IGF2BP3: variants seen among roughly 807,000 people sequenced by gnomAD.
The protein encoded by IGF2BP3 is insulin like growth factor 2 mRNA binding protein 3.
In IGF2BP3, 9 loss-of-function variants were observed where a neutral mutation model predicts 73.8. The ratio of observed to expected loss-of-function variants is 0.12; its 90% CI spans 0.07 to 0.21. The LOEUF (loss-of-function observed/expected upper bound fraction) is 0.21, where lower values mean the gene tolerates loss of function less well. Among genes scored for constraint, IGF2BP3 ranks in the 10% least tolerant of loss-of-function variants. The pLI is 1.00. For synonymous variants in IGF2BP3, 258 were observed against 256.7 expected (o/e 1.01, Z -0.05); for missense variants, 542 against 714.0 (o/e 0.76, Z 2.75).
intron 7 of IGF2BP3, among the ~76,000 whole-genome samples, chr7:23,346,936 T>C (rs552237482): frequency 6.6e-6 from 1 of 152,300 alleles, no homozygotes; most frequent in East Asian, 1.9e-4. Flanking sequence ...ATTTTTACTT[T>C]AATAATTACA....
At chr7:23,392,985 G>A (rs150875908) in intron 3 of IGF2BP3, among the ~76,000 whole-genome samples, 171 of 152,236 alleles carry the variant, frequency 1.1e-3, no homozygotes, top group Non-Finnish European at 2.1e-3. Flanking sequence ...ATTGCTATAA[G>A]GTGGCCACTC....
chr7:23,448,541 T>A (rs1326777374), intron 2 of IGF2BP3, among the ~76,000 whole-genome samples: 1 of 152,136 alleles, frequency 6.6e-6, no homozygotes, highest in African/African-American at 2.4e-5. Context: ...TAGCTGGGAC[T>A]ACAGGCATGC....
At chr7:23,353,681 C>T (rs896447859) in intron 5 of IGF2BP3, among the ~76,000 whole-genome samples, 1 of 152,222 alleles carries the variant, frequency 6.6e-6, no homozygotes, top group Admixed American at 6.5e-5. Context: ...TTTTTAAATA[C>T]AATGTCTTGC....
At chr7:23,423,493 A>T (rs1028910195) in intron 2 of IGF2BP3, among the ~76,000 whole-genome samples, 1 of 152,242 alleles carries the variant, frequency 6.6e-6, no homozygotes, top group Non-Finnish European at 1.5e-5. Context: ...TCAGAAAATA[A>T]ATTAGCATTT....
At chr7:23,342,343 A>T (rs1784734164) in intron 9 of IGF2BP3, among the ~76,000 whole-genome samples, 154 bp from the exon 10 acceptor site, 1 of 152,208 alleles carries the variant, frequency 6.6e-6, no homozygotes, top group African/African-American at 2.4e-5. Flanking sequence ...ACTTGAGTAC[A>T]TCGTTTACAT....
At chr7:23,428,675 C>T (rs2128540680) in intron 2 of IGF2BP3, among the ~76,000 whole-genome samples, 1 of 150,732 alleles carries the variant, frequency 6.6e-6, no homozygotes, top group South Asian at 2.1e-4. Flanking sequence ...TGCTACTGCA[C>T]TCCAGCCTCA....
At chr7:23,331,959 A>G (rs1784456833) in intron 10 of IGF2BP3, among the ~76,000 whole-genome samples, 1 of 152,100 alleles carries the variant, frequency 6.6e-6, no homozygotes, top group African/African-American at 2.4e-5. Context: ...ATGGGTAACA[A>G]GGTACGTCTT....
chr7:23,412,842 C>CTTTGTTTTTT (rs1787068528), intron 3 of IGF2BP3, among the ~76,000 whole-genome samples: 1 of 36,978 alleles, frequency 2.7e-5, no homozygotes, highest in African/African-American at 1.1e-4. Flanking sequence ...AGACTCTGGC[C>CTTTGTTTTTT]TTTTTTTTTT....
At position 23,342,276 on chromosome 7, in the gene IGF2BP3, C is replaced by T. The variant is rs1303783814; in HGVS notation, c.1078-87G>A. On this transcript the variant is annotated intron_variant, in intron 9 of 14. Transcript: ENST00000258729. ...TTTAAGTGACAGTATTCAAACTGAT[C>T]TCTTGTCTAATAAAGAAATGATTGT... 7 of 1,402,078 alleles carry T rather than the reference C, an allele frequency of 5.0e-6. No individual in the cohort carries two copies. The African/African-American group carries it at 8.6e-5, about 17-fold the overall frequency. The allele number at this position is 1,402,078 out of a possible 1,614,324, so 86.9% of individuals were successfully genotyped here. A position where few individuals can be genotyped will look rare whatever the true frequency, so the allele number is the denominator to read the frequency against.
intron 2 of IGF2BP3, among the ~76,000 whole-genome samples, chr7:23,427,993 G>C (rs750621066): frequency 2.0e-5 from 3 of 151,760 alleles, no homozygotes; most frequent in Non-Finnish European, 4.4e-5. Context: ...GTGACAGGGC[G>C]AGACACCATC....
chr7:23,464,005 G>A (rs947101828), intron 2 of IGF2BP3, among the ~76,000 whole-genome samples: 2 of 152,108 alleles, frequency 1.3e-5, no homozygotes, highest in East Asian at 1.9e-4. Context: ...TTCCCGAATC[G>A]CAAGATTCAC....
intron 3 of IGF2BP3, chr7:23,415,148 G>A (rs970179966): frequency 1.4e-5 from 3 of 219,976 alleles, no homozygotes; most frequent in Non-Finnish European, 2.8e-5. Flanking sequence ...CTGTCTGTCA[G>A]TCAGCTTCAC....
chr7:23,414,732 T>C (rs1787131350), intron 3 of IGF2BP3: 1 of 159,172 alleles, frequency 6.3e-6, no homozygotes, highest in Admixed American at 6.5e-5. Context: ...TTTCTGCCAA[T>C]AGAAGGCACC....
At chr7:23,335,073 TAAAAAAAAAAAA>T (rs5882898) in intron 10 of IGF2BP3, among the ~76,000 whole-genome samples, 1 of 69,196 alleles carries the variant, frequency 1.4e-5, no homozygotes, top group African/African-American at 5.8e-5. Context: ...TCTTTAACAT[TAAAAAAAAAAAA>T]AAAAAAAAAA....
At chr7:23,447,341 T>G (rs1278072343) in intron 2 of IGF2BP3, among the ~76,000 whole-genome samples, 2 of 151,058 alleles carry the variant, frequency 1.3e-5, no homozygotes, top group Admixed American at 6.6e-5. Flanking sequence ...TTAAATCAAA[T>G]GAAGGATTAC....
chr7:23,443,412 A>G (rs964180659), intron 2 of IGF2BP3, among the ~76,000 whole-genome samples: 1 of 152,098 alleles, frequency 6.6e-6, no homozygotes, highest in African/African-American at 2.4e-5. Flanking sequence ...GGCATGAGCC[A>G]CCGCGACTGG....
At chr7:23,332,046 G>A (rs1784459312) in intron 10 of IGF2BP3, among the ~76,000 whole-genome samples, 1 of 151,876 alleles carries the variant, frequency 6.6e-6, no homozygotes. Flanking sequence ...GATTTCATGA[G>A]AACTCACTAT....
intron 11 of IGF2BP3, 101 bp downstream of exon 11, chr7:23,319,037 C>T (rs2128492632): frequency 2.5e-6 from 2 of 790,284 alleles, no homozygotes; most frequent in South Asian, 3.3e-5. Flanking sequence ...GTAACCCTAA[C>T]AGTGTCTTTT....
intron 8 of IGF2BP3, among the ~76,000 whole-genome samples, 187 bp from the exon 9 acceptor site, chr7:23,344,040 G>C (rs1264354027): frequency 2.6e-5 from 4 of 152,208 alleles, no homozygotes; most frequent in African/African-American, 9.6e-5. Context: ...AGCTGCAAGA[G>C]AGAAGAAAAT....
Sources: gnomAD v4.1 joint callset for allele counts (sites outside exome capture counted in the v4.1 genomes callset) on GRCh38, gnomAD v4.1.1 for gene constraint, MANE v1.5 for transcripts, NCBI Gene and HGNC (gene_info 2026-07-23, HGNC 2026-07-21) for gene names.